The following NCALD variants were observed in gnomAD, a reference collection of about 807,000 sequenced individuals.
NCALD encodes the protein neurocalcin delta.
A neutral mutation model predicts 18.6 loss-of-function variants in NCALD; 10 were observed. The ratio of observed to expected loss-of-function variants is 0.54; its 90% CI spans 0.33 to 0.91. NCALD has a LOEUF of 0.91. Ranked by LOEUF, NCALD falls within the 40% of genes least tolerant of loss-of-function variation. The pLI, the probability that NCALD is intolerant of heterozygous loss-of-function variation, is 0.03. For missense variants in NCALD, 184 were observed against 247.6 expected (o/e 0.74, Z 1.72); for synonymous variants, 88 against 87.4 (o/e 1.01, Z -0.04).
At chr8:102,053,063 C>T (rs1176947461) in intron 1 of NCALD, among the ~76,000 whole-genome samples, 1 of 152,152 alleles carries the variant, frequency 6.6e-6, no homozygotes, top group African/African-American at 2.4e-5. Flanking sequence ...AAACAGGAGC[C>T]AGATCCTTCT....
chr8:101,756,833 T>A (rs1474755416), intron 1 of NCALD, among the ~76,000 whole-genome samples: 1 of 152,172 alleles, frequency 6.6e-6, no homozygotes, highest in Non-Finnish European at 1.5e-5. Context: ...TTTATCCTAT[T>A]AGAATCTCTA....
intron 2 of NCALD, among the ~76,000 whole-genome samples, chr8:101,948,639 AC>A (rs1819271504): frequency 6.6e-6 from 1 of 152,148 alleles, no homozygotes. Context: ...CTGAGTGAGA[AC>A]CCAGAAGACA....
At chr8:101,774,283 A>G (rs1811703180) in intron 1 of NCALD, among the ~76,000 whole-genome samples, 2 of 152,206 alleles carry the variant, frequency 1.3e-5, no homozygotes, top group South Asian at 4.1e-4. Context: ...TTGTTGGCCA[A>G]CTGTTTTCCT....
chr8:101,733,830 C>A (rs1016975448), intron 1 of NCALD, among the ~76,000 whole-genome samples: 4 of 152,238 alleles, frequency 2.6e-5, no homozygotes, highest in African/African-American at 9.6e-5. Flanking sequence ...CAGACCCCCA[C>A]TGAGGGTTTT....
At chr8:101,881,623 C>T (rs1389466435) in intron 4 of NCALD, among the ~76,000 whole-genome samples, 2 of 152,088 alleles carry the variant, frequency 1.3e-5, no homozygotes, top group South Asian at 2.1e-4. Flanking sequence ...GAAGTGGAGT[C>T]TTTGTGGCAT....
At chr8:101,703,236 AG>A (rs1342814196) in intron 2 of NCALD, among the ~76,000 whole-genome samples, 13 of 152,022 alleles carry the variant, frequency 8.6e-5, no homozygotes, top group Admixed American at 2.0e-4. Context: ...AGTTTTTTCA[AG>A]ACAGAGATAT....
intron 2 of NCALD, among the ~76,000 whole-genome samples, chr8:101,986,913 C>T (rs1264676701): frequency 1.3e-5 from 2 of 152,196 alleles, no homozygotes; most frequent in South Asian, 2.1e-4. Context: ...GTGAGGGGAG[C>T]GAAGACTCTC....
intron 1 of NCALD, among the ~76,000 whole-genome samples, chr8:101,754,374 A>G (rs1342781692): frequency 6.6e-6 from 1 of 152,124 alleles, no homozygotes; most frequent in Admixed American, 6.6e-5. Context: ...AAGATGTCAT[A>G]AACTGGGGAA....
chr8:102,108,523 A>G (rs910077865), intron 1 of NCALD, among the ~76,000 whole-genome samples: 1 of 152,222 alleles, frequency 6.6e-6, no homozygotes, highest in Non-Finnish European at 1.5e-5. Flanking sequence ...GACTTGCTGG[A>G]CAGAAAACAT....
intron 4 of NCALD, among the ~76,000 whole-genome samples, chr8:101,846,580 G>T (rs980381202): frequency 3.9e-5 from 6 of 152,112 alleles, no homozygotes; most frequent in Admixed American, 3.9e-4. Flanking sequence ...GCTTTGTAAA[G>T]ATTATCTAGT....
At chr8:102,060,240 CA>C (rs1823800377) in intron 1 of NCALD, among the ~76,000 whole-genome samples, 1 of 151,986 alleles carries the variant, frequency 6.6e-6, no homozygotes, top group South Asian at 2.1e-4. Flanking sequence ...CTTGGCCTCC[CA>C]AAATGCTGGG....
chr8:102,036,780 CA>C (rs141506748), intron 1 of NCALD, among the ~76,000 whole-genome samples: 7,046 of 151,812 alleles, frequency 0.046, 394 homozygotes, highest in African/African-American at 0.12. Context: ...ACAACAACAA[CA>C]AAAAAATATA....
chr8:101,939,195 A>T (rs550410402), intron 2 of NCALD, among the ~76,000 whole-genome samples: 1 of 152,372 alleles, frequency 6.6e-6, no homozygotes, highest in Admixed American at 6.5e-5. Flanking sequence ...CACTGATAGT[A>T]TAAATTAGTA....
At chr8:101,924,951 G>A (rs911218272) in intron 2 of NCALD, among the ~76,000 whole-genome samples, 1 of 152,150 alleles carries the variant, frequency 6.6e-6, no homozygotes, top group African/African-American at 2.4e-5. Flanking sequence ...GGTTCCTTCA[G>A]ATGCTGTGAT....
chr8:101,878,382 T>C (rs1021603949), intron 4 of NCALD, among the ~76,000 whole-genome samples: 2 of 152,260 alleles, frequency 1.3e-5, no homozygotes, highest in Non-Finnish European at 2.9e-5. Flanking sequence ...AGAAACACAA[T>C]TTCAGACTGT....
chr8:101,834,293 TG>T (rs1814315402), intron 4 of NCALD, among the ~76,000 whole-genome samples: 1 of 152,252 alleles, frequency 6.6e-6, no homozygotes, highest in South Asian at 2.1e-4. Flanking sequence ...GTCCCCCTGC[TG>T]GGGCTGGCCT....
rs903694087 is a variant in NCALD, at chr8:101,689,995, G to A, written c.485-589C>T. Among the ~76,000 whole-genome samples the A allele has an allele frequency of 6.6e-6, 1 of 152,176 alleles. No homozygotes were observed. Among genetic ancestry groups the A allele is most frequent in the Non-Finnish European group, 1.5e-5 (1 of 68,028 alleles). On this transcript the variant is annotated intron_variant, in intron 3 of 3. Transcript: ENST00000220931. The surrounding 1 kb of genome is among the most constrained non-coding windows in gnomAD (Gnocchi z 4.4). ...AGCTGTGCCTCCATCTGAGGTCAGG[G>A]AAGAGCAGGGTATGTTCAAGGCAGA...
chr8:102,070,996 A>G (rs771133868), intron 1 of NCALD, among the ~76,000 whole-genome samples: 6 of 152,192 alleles, frequency 3.9e-5, no homozygotes, highest in Non-Finnish European at 8.8e-5. Context: ...AATATTGAAA[A>G]TGCAGATTTT....
intron 4 of NCALD, among the ~76,000 whole-genome samples, chr8:101,873,784 T>C (rs1467351525): frequency 6.6e-6 from 1 of 152,206 alleles, no homozygotes; most frequent in Admixed American, 6.5e-5. Context: ...AAGCAGCTGT[T>C]AGCCTATGAA....
Sources: gnomAD v4.1 joint callset for allele counts (sites outside exome capture counted in the v4.1 genomes callset) on GRCh38, gnomAD v4.1.1 for gene constraint, Gnocchi (gnomAD v3.1) non-coding constraint, MANE v1.5 for transcripts, NCBI Gene and HGNC (gene_info 2026-07-23, HGNC 2026-07-21) for gene names.